The following PDE11A variants were observed in gnomAD, a reference collection of about 807,000 sequenced individuals.
PDE11A encodes the protein dual 3',5'-cyclic-AMP and -GMP phosphodiesterase 11A.
In PDE11A, 100 loss-of-function variants were observed where a neutral mutation model predicts 100.5. That is an observed-to-expected ratio of 1.00 (90% CI 0.85 to 1.18). The LOEUF (loss-of-function observed/expected upper bound fraction) is 1.18. Among genes scored for constraint, PDE11A ranks in the 50% most tolerant of loss-of-function variants. The pLI, the probability that PDE11A is intolerant of heterozygous loss-of-function variation, is 0.00. For synonymous variants in PDE11A, 381 were observed against 420.8 expected (o/e 0.91, Z 1.16); for missense variants, 1,141 against 1,152.6 (o/e 0.99, Z 0.15).
chr2:177,828,527 TA>T (rs1558959101), intron 6 of PDE11A, among the ~76,000 whole-genome samples: 1 of 152,008 alleles, frequency 6.6e-6, no homozygotes, highest in African/African-American at 2.4e-5. Flanking sequence ...GTTAAGATGA[TA>T]GGGAAAAAAC....
In PDE11A at chr2:178,072,633, C is replaced by T; in HGVS notation, c.-196G>A. 1 of 1,481,174 alleles carries T rather than the reference C, an allele frequency of 6.8e-7. No homozygotes were observed. The highest frequency in any genetic ancestry group is 1.4e-5 in the South Asian group (1 of 73,496). 91.8% of individuals were successfully genotyped at this position (1,481,174 alleles called of 1,614,324 possible). A position where few individuals can be genotyped will look rare whatever the true frequency, so the allele number is the denominator to read the frequency against. ...TGGCTCAGAGTGGCTGGCGCCGACC[C>T]CACCCCGTGGTCCTGCTACTCCTGC... On this transcript the variant is annotated 5_prime_UTR_variant, in exon 1 of 20. Coordinates refer to ENST00000286063, the MANE Select transcript of PDE11A (RefSeq NM_016953.4).
chr2:178,061,289 CT>C (rs2086966215), intron 1 of PDE11A, among the ~76,000 whole-genome samples: 1 of 151,880 alleles, frequency 6.6e-6, no homozygotes, highest in Non-Finnish European at 1.5e-5. Flanking sequence ...TGTCTGGAGA[CT>C]TTTTAAATTG....
intron 19 of PDE11A, among the ~76,000 whole-genome samples, chr2:177,641,931 G>A (rs2105448094): frequency 6.6e-6 from 1 of 152,242 alleles, no homozygotes; most frequent in Middle Eastern, 3.4e-3. Flanking sequence ...AAACTACCAG[G>A]TATGTGCATT....
intron 6 of PDE11A, among the ~76,000 whole-genome samples, chr2:177,821,759 G>T (rs1400525911): frequency 3.3e-5 from 5 of 151,732 alleles, no homozygotes; most frequent in African/African-American, 9.7e-5. Context: ...CTGTTTTCCT[G>T]ACATAATTAT....
At chr2:178,037,380 G>C (rs1012710131) in intron 1 of PDE11A, among the ~76,000 whole-genome samples, 1 of 152,202 alleles carries the variant, frequency 6.6e-6, no homozygotes, top group Non-Finnish European at 1.5e-5. Flanking sequence ...AATAGATGCT[G>C]GAGAGGCGGT....
intron 10 of PDE11A, among the ~76,000 whole-genome samples, chr2:177,753,493 C>A (rs1292786634): frequency 6.6e-6 from 1 of 151,814 alleles, no homozygotes; most frequent in Non-Finnish European, 1.5e-5. Flanking sequence ...CCCAGGCAAC[C>A]CTGACTAGTT....
intron 3 of PDE11A, among the ~76,000 whole-genome samples, chr2:177,904,778 T>C (rs1021699994): frequency 3.3e-5 from 5 of 152,162 alleles, no homozygotes; most frequent in Non-Finnish European, 5.9e-5. Flanking sequence ...GGTCTTGAAC[T>C]CCTGACCTCA....
At chr2:177,665,503 T>TAAATAAAATA (rs34758781) in intron 18 of PDE11A, among the ~76,000 whole-genome samples, 2 of 143,746 alleles carry the variant, frequency 1.4e-5, no homozygotes, top group African/African-American at 5.1e-5. Context: ...TAATAATAAA[T>TAAATAAAATA]AAATAAAATA....
At chr2:177,946,025 G>A (rs2085419363) in intron 2 of PDE11A, among the ~76,000 whole-genome samples, 1 of 147,370 alleles carries the variant, frequency 6.8e-6, no homozygotes, top group Non-Finnish European at 1.5e-5. Flanking sequence ...CCCCCACCCG[G>A]CCAGCCGCCC....
intron 17 of PDE11A, among the ~76,000 whole-genome samples, chr2:177,672,535 T>C (rs1031014181): frequency 3.3e-5 from 5 of 152,156 alleles, no homozygotes; most frequent in African/African-American, 4.8e-5. Flanking sequence ...GGTATCAAGA[T>C]AGTGAGGAGG....
In PDE11A at chr2:177,955,121, G is replaced by A. The variant is rs192915302; in HGVS notation, c.1072-49934C>T. 4.7e-4 allele frequency among the ~76,000 whole-genome samples: 72 copies of A among 152,186 alleles called. No individual in the cohort carries two copies. In the East Asian group the frequency reaches 0.012, roughly 24 times the overall value. ...TCTTTTTATTAAAACAATGGGAAAG[G>A]CTTATTGATGTTTTCTCTTAGATTT... On this transcript the variant is annotated intron_variant, in intron 2 of 19. Coordinates refer to ENST00000286063, the MANE Select transcript of PDE11A (RefSeq NM_016953.4).
chr2:177,788,950 T>C (rs1486833587), intron 9 of PDE11A, among the ~76,000 whole-genome samples: 1 of 152,166 alleles, frequency 6.6e-6, no homozygotes, highest in East Asian at 1.9e-4. Flanking sequence ...AGCCGAATTC[T>C]ACCAGAGGTA....
chr2:178,004,755 A>C (rs1489418277), intron 2 of PDE11A, among the ~76,000 whole-genome samples: 6 of 151,538 alleles, frequency 4.0e-5, no homozygotes, highest in Non-Finnish European at 7.4e-5. Flanking sequence ...AGAACGCAGC[A>C]AGCTCTCCTT....
At chr2:177,900,871 A>C (rs572619259) in intron 3 of PDE11A, among the ~76,000 whole-genome samples, 3 of 152,258 alleles carry the variant, frequency 2.0e-5, no homozygotes, top group Non-Finnish European at 2.9e-5. Context: ...GGGTAGGGTT[A>C]TTGAAACCAC....
chr2:177,813,917 A>C (rs2082992918), intron 9 of PDE11A, among the ~76,000 whole-genome samples: 1 of 151,092 alleles, frequency 6.6e-6, no homozygotes, highest in Admixed American at 6.7e-5. Flanking sequence ...AAGGTCAAGT[A>C]GGACAATAAT....
At chr2:178,023,240 A>C (rs912254992) in intron 1 of PDE11A, among the ~76,000 whole-genome samples, 1 of 152,236 alleles carries the variant, frequency 6.6e-6, no homozygotes, top group African/African-American at 2.4e-5. Context: ...GGCTGTAAAA[A>C]GCAACCTCTG....
At chr2:177,818,954 C>CAT (rs58051939) in intron 7 of PDE11A, among the ~76,000 whole-genome samples, 17,116 of 151,364 alleles carry the variant, frequency 0.11, 1,119 homozygotes, top group African/African-American at 0.19. Flanking sequence ...TGCAAGAAGA[C>CAT]ATATATATAT....
intron 10 of PDE11A, among the ~76,000 whole-genome samples, chr2:177,730,460 G>A (rs1344334411): frequency 1.3e-5 from 2 of 151,892 alleles, no homozygotes; most frequent in East Asian, 1.9e-4. Flanking sequence ...CTTTGGACTG[G>A]TTTGTCTTTC....
At chr2:177,834,473 T>A (rs1317135655) in intron 6 of PDE11A, among the ~76,000 whole-genome samples, 1 of 152,122 alleles carries the variant, frequency 6.6e-6, no homozygotes, top group Non-Finnish European at 1.5e-5. Context: ...ATATTAGGGG[T>A]GTTTCACCCT....
Sources: allele counts gnomAD v4.1 joint callset (sites outside exome capture counted in the v4.1 genomes callset), GRCh38; gene constraint gnomAD v4.1.1; transcripts MANE v1.5; gene names NCBI Gene and HGNC (gene_info 2026-07-23, HGNC 2026-07-21).